STAC: variants seen among roughly 807,000 people sequenced by gnomAD.
STAC encodes SH3 and cysteine-rich domain-containing protein.
A neutral mutation model predicts 48.8 loss-of-function variants in STAC; 43 were observed. The ratio of observed to expected loss-of-function variants is 0.88; its 90% CI spans 0.69 to 1.14. The LOEUF is 1.14. Among genes scored for constraint, STAC ranks in the 50% most tolerant of loss-of-function variants. The probability of loss-of-function intolerance (pLI) is 0.00; values close to 1 mark genes in which losing one functional copy is unlikely to be tolerated. For missense variants in STAC, 497 were observed against 504.0 expected, an observed-to-expected ratio of 0.99 and a Z score of 0.13; for synonymous variants, 193 against 179.5, an observed-to-expected ratio of 1.07 and a Z score of -0.60.
At chr3:36,510,049 G>C (rs985291368) in intron 8 of STAC, among the ~76,000 whole-genome samples, 1 of 152,020 alleles carries the variant, frequency 6.6e-6, no homozygotes, top group African/African-American at 2.4e-5. Flanking sequence ...GAAAATTTTT[G>C]CAATCTATCC....
chr3:36,445,125 G>A (rs1187451520), intron 2 of STAC, among the ~76,000 whole-genome samples: 1 of 152,152 alleles, frequency 6.6e-6, no homozygotes, highest in East Asian at 1.9e-4. Flanking sequence ...GACAGAGGAT[G>A]TGTTTTTAAA....
chr3:36,458,595 A>T (rs963173245), intron 2 of STAC, among the ~76,000 whole-genome samples: 21 of 152,160 alleles, frequency 1.4e-4, no homozygotes, highest in Non-Finnish European at 2.4e-4. Flanking sequence ...ACAGTGTGAT[A>T]TCTACCAAAT....
At chr3:36,466,797 G>A (rs982526639) in intron 2 of STAC, among the ~76,000 whole-genome samples, 8 of 152,044 alleles carry the variant, frequency 5.3e-5, no homozygotes, top group East Asian at 3.9e-4. Context: ...AGCAAATAGC[G>A]ACAGTTTGAC....
intron 1 of STAC, among the ~76,000 whole-genome samples, chr3:36,442,058 T>C (rs1416480558): frequency 6.6e-6 from 1 of 152,224 alleles, no homozygotes; most frequent in African/African-American, 2.4e-5. Flanking sequence ...CTCTTCACTC[T>C]GTGTCAGTGG....
intron 1 of STAC, among the ~76,000 whole-genome samples, chr3:36,399,580 G>C (rs912171967): frequency 8.5e-5 from 13 of 152,112 alleles, no homozygotes; most frequent in African/African-American, 2.9e-4. Flanking sequence ...ATTTCATTTG[G>C]CCAATTTAAA....
At chr3:36,450,900 C>A (rs947521350) in intron 2 of STAC, among the ~76,000 whole-genome samples, 1 of 152,132 alleles carries the variant, frequency 6.6e-6, no homozygotes, top group Admixed American at 6.5e-5. Flanking sequence ...TAGTTTTTTT[C>A]ATGTTTGTTT....
At chr3:36,434,064 AC>A (rs1421573997) in intron 1 of STAC, among the ~76,000 whole-genome samples, 2 of 152,138 alleles carry the variant, frequency 1.3e-5, no homozygotes, top group African/African-American at 2.4e-5. Context: ...ATTTCTAAAG[AC>A]CCCCAATGCT....
intron 8 of STAC, among the ~76,000 whole-genome samples, chr3:36,525,555 C>T (rs1046175307): frequency 6.6e-6 from 1 of 152,136 alleles, no homozygotes; most frequent in Admixed American, 6.5e-5. Flanking sequence ...CTCTTTCACT[C>T]TTAGGGAAAG....
chr3:36,512,708 T>G (rs557835192), intron 8 of STAC, among the ~76,000 whole-genome samples: 4 of 152,256 alleles, frequency 2.6e-5, no homozygotes, highest in African/African-American at 9.6e-5. Flanking sequence ...TTCAAGGCAA[T>G]CAGGACTATC....
At chr3:36,405,126 G>A (rs73057931) in intron 1 of STAC, among the ~76,000 whole-genome samples, 3,536 of 152,230 alleles carry the variant, frequency 0.023, 62 homozygotes, top group East Asian at 0.026. Context: ...TGTGCCAGCA[G>A]GGTCGCCCTC....
At chr3:36,542,620 A>C (rs1417189210) in intron 10 of STAC, among the ~76,000 whole-genome samples, 1 of 152,006 alleles carries the variant, frequency 6.6e-6, no homozygotes, top group Non-Finnish European at 1.5e-5. Context: ...TTCTTACCCC[A>C]TTGGCTAGAT....
At chr3:36,467,945 A>G (rs1261256795) in intron 2 of STAC, among the ~76,000 whole-genome samples, 1 of 151,884 alleles carries the variant, frequency 6.6e-6, no homozygotes, top group African/African-American at 2.4e-5. Flanking sequence ...CAGATTGTCT[A>G]TTTGGGCTCT....
chr3:36,460,974 GCTCA>G (rs1197358535), intron 2 of STAC, among the ~76,000 whole-genome samples: 4 of 152,054 alleles, frequency 2.6e-5, no homozygotes, highest in African/African-American at 9.7e-5. Context: ...AAGAAAATAT[GCTCA>G]CTATGGAAAA....
At chr3:36,534,559 T>C (rs1416127298) in intron 10 of STAC, among the ~76,000 whole-genome samples, 2 of 152,104 alleles carry the variant, frequency 1.3e-5, no homozygotes, top group Admixed American at 1.3e-4. Flanking sequence ...CTTCTGGGGT[T>C]AATCTGTCTC....
intron 1 of STAC, among the ~76,000 whole-genome samples, chr3:36,427,157 T>A (rs1700585375): frequency 6.6e-6 from 1 of 152,166 alleles, no homozygotes; most frequent in African/African-American, 2.4e-5. Context: ...ACAAGAGCTC[T>A]AGGAGGTCTC....
chr3:36,465,752 G>C (rs575024442), intron 2 of STAC, among the ~76,000 whole-genome samples: 1 of 152,202 alleles, frequency 6.6e-6, no homozygotes, highest in Non-Finnish European at 1.5e-5. Flanking sequence ...GATGTTTGAG[G>C]GCAGGAAGCA....
At chr3:36,380,905 C>T in intron 1 of STAC, 151 bp downstream of exon 1, 2 of 596,358 alleles carry the variant, frequency 3.4e-6, no homozygotes, top group Non-Finnish European at 6.0e-6. Flanking sequence ...CGGTAGGACC[C>T]GCTGCTCACG....
intron 8 of STAC, among the ~76,000 whole-genome samples, chr3:36,522,755 C>T (rs1028954289): frequency 6.6e-6 from 1 of 152,192 alleles, no homozygotes; most frequent in Admixed American, 6.5e-5. Flanking sequence ...AAATGTTTCT[C>T]TCAGAAGCAG....
chr3:36,429,678 T>C (rs1462914604), intron 1 of STAC, among the ~76,000 whole-genome samples: 2 of 152,202 alleles, frequency 1.3e-5, no homozygotes, highest in Non-Finnish European at 2.9e-5. Context: ...CCCCCACTTC[T>C]CCTTGCCTCC....
Sources: allele counts gnomAD v4.1 joint callset (sites outside exome capture counted in the v4.1 genomes callset), GRCh38; gene constraint gnomAD v4.1.1; transcripts MANE v1.5; gene names NCBI Gene and HGNC (gene_info 2026-07-23, HGNC 2026-07-21).